COA1: variants seen among roughly 807,000 people sequenced by gnomAD.
COA1 encodes the protein cytochrome c oxidase assembly factor 1 homolog.
Under a neutral mutation model 16.0 loss-of-function variants are expected in COA1, and 13 were observed. That is an observed-to-expected ratio of 0.81 (90% CI 0.53 to 1.29). The LOEUF (loss-of-function observed/expected upper bound fraction) is 1.29. Among genes scored for constraint, COA1 ranks in the 50% most tolerant of loss-of-function variants. The probability of loss-of-function intolerance (pLI) is 0.00; values close to 1 mark genes in which losing one functional copy is unlikely to be tolerated. For synonymous variants in COA1, 65 were observed against 65.7 expected (o/e 0.99, Z 0.05); for missense variants, 179 against 177.0 (o/e 1.01, Z -0.06).
intron 1 of COA1, among the ~76,000 whole-genome samples, chr7:43,686,354 G>A (rs56288109): frequency 0.084 from 12,368 of 147,396 alleles, 613 homozygotes; most frequent in East Asian, 0.18. Context: ...TCGCCCAGGC[G>A]GGAGTGCTGT....
intron 1 of COA1, among the ~76,000 whole-genome samples, chr7:43,710,654 T>C (rs2095215015): frequency 6.6e-6 from 1 of 152,064 alleles, no homozygotes; most frequent in Non-Finnish European, 1.5e-5. Context: ...AACTATCTCA[T>C]TTTATTCTCC....
At chr7:43,678,099 A>G (rs2093616365) in intron 1 of COA1, among the ~76,000 whole-genome samples, 2 of 152,204 alleles carry the variant, frequency 1.3e-5, no homozygotes, top group Admixed American at 6.5e-5. Context: ...CCTATTACTA[A>G]TAACAGTGAG....
chr7:43,674,415 T>A (rs187476869), intron 1 of COA1, among the ~76,000 whole-genome samples: 1 of 152,238 alleles, frequency 6.6e-6, no homozygotes, highest in East Asian at 1.9e-4. Context: ...TTCCATATAA[T>A]ACAACGTTTG....
At position 43,639,338 on chromosome 7, in the gene COA1, T is replaced by C. The variant is rs951444701; in HGVS notation, c.*244A>G. On this transcript the variant is annotated 3_prime_UTR_variant, in exon 6 of 6. Coordinates refer to ENST00000223336, the MANE Select transcript of COA1 (RefSeq NM_018224.4). ...CAAAGCACTTTCAAATACATTACAT[T>C]ATCTTAAATTTATAATAGGAGTTTC... The C allele has an allele frequency of 3.0e-5, 10 of 331,304 alleles. No individual in the cohort carries two copies. Among genetic ancestry groups the C allele is most frequent in the Non-Finnish European group, 5.0e-5 (9 of 180,040 alleles). 20.5% of individuals were successfully genotyped at this position (331,304 alleles called of 1,614,324 possible). A position where few individuals can be genotyped will look rare whatever the true frequency, so the allele number is the denominator to read the frequency against.
intron 4 of COA1, among the ~76,000 whole-genome samples, chr7:43,643,393 G>A (rs1404631590): frequency 6.6e-6 from 1 of 152,230 alleles, no homozygotes; most frequent in Admixed American, 6.5e-5. Context: ...CAAGTTCTCA[G>A]GATTGCTGGG....
intron 1 of COA1, among the ~76,000 whole-genome samples, chr7:43,717,094 G>A (rs573318164): frequency 6.6e-6 from 1 of 152,372 alleles, no homozygotes; most frequent in South Asian, 2.1e-4. Flanking sequence ...TGCTAGGGCA[G>A]TGCAGAAGGA....
rs2095696357 is a variant in COA1 at position 43,729,418 on chromosome 7, G to A, written c.-39+11C>T. 1 of 152,296 alleles carries A rather than the reference G, an allele frequency of 6.6e-6. No individual in the cohort carries two copies. The highest frequency in any genetic ancestry group is 2.4e-5 in the African/African-American group (1 of 41,454). The allele number at this position is 152,296 out of a possible 1,614,324, so 9.4% of individuals were successfully genotyped here. A position where few individuals can be genotyped will look rare whatever the true frequency, so the allele number is the denominator to read the frequency against. On this transcript the variant is annotated intron_variant, in intron 1 of 5. Coordinates refer to ENST00000223336, the MANE Select transcript of COA1 (RefSeq NM_018224.4). The stretch of plus-strand genomic sequence containing the variant: ...GGGAAGACGGAGACTCTTATACCGC[G>A]GGAGACTAACCTGTGAGCAACAGAA...
chr7:43,672,462 C>A (rs2093318015), intron 1 of COA1, among the ~76,000 whole-genome samples: 1 of 152,138 alleles, frequency 6.6e-6, no homozygotes, highest in Non-Finnish European at 1.5e-5. Context: ...TAAAATTCAA[C>A]ATCCCTTCAT....
intron 6 of COA1, among the ~76,000 whole-genome samples, chr7:43,617,012 G>A (rs181825717): frequency 1.3e-5 from 2 of 152,330 alleles, no homozygotes; most frequent in East Asian, 3.9e-4. Flanking sequence ...ACCAAGTTGA[G>A]ACTAGGCAAA....
chr7:43,663,186 A>C (rs1033608388), intron 1 of COA1, among the ~76,000 whole-genome samples: 10 of 152,318 alleles, frequency 6.6e-5, no homozygotes, highest in African/African-American at 4.8e-5. Flanking sequence ...TGCTCTTGCC[A>C]TATGATGTAC....
At chr7:43,700,590 A>ATGTGTG (rs1563415584) in intron 1 of COA1, among the ~76,000 whole-genome samples, 2 of 44,512 alleles carry the variant, frequency 4.5e-5, no homozygotes, top group African/African-American at 2.5e-4. Flanking sequence ...GTGTATATAT[A>ATGTGTG]CGTGTGTGTG....
At chr7:43,658,639 G>A (rs375547519) in intron 1 of COA1, 1 of 152,226 alleles carries the variant, frequency 6.6e-6, no homozygotes, top group East Asian at 1.9e-4. Context: ...TCAAAACCTT[G>A]AAATATTCAA....
intron 1 of COA1, among the ~76,000 whole-genome samples, chr7:43,659,822 T>G (rs2092247775): frequency 6.6e-6 from 1 of 152,182 alleles, no homozygotes; most frequent in African/African-American, 2.4e-5. Flanking sequence ...AAAATTCATA[T>G]GTTGAAGCCC....
At position 43,686,388 on chromosome 7, in the gene COA1, G is replaced by T. The variant is rs10279250; in HGVS notation, c.-38-37736C>A. ...GTGGCGCGATCTCCGCTCACTGCAA[G>T]CTCCGCCTTCCGGGTTCACGCCATT... On this transcript the variant is annotated intron_variant, in intron 1 of 5. Transcript: ENST00000223336. Among the ~76,000 whole-genome samples, 253 of 148,244 alleles carry T rather than the reference G, an allele frequency of 1.7e-3. 2 individuals are homozygous for T. Among genetic ancestry groups the T allele is most frequent in the African/African-American group, 6.1e-3 (246 of 40,346 alleles).
intron 1 of COA1, among the ~76,000 whole-genome samples, chr7:43,684,719 T>C (rs1725168582): frequency 6.6e-6 from 1 of 152,090 alleles, no homozygotes; most frequent in Non-Finnish European, 1.5e-5. Flanking sequence ...CAGTGCATGC[T>C]CTTAACTACC....
intron 6 of COA1, among the ~76,000 whole-genome samples, chr7:43,633,568 T>C (rs4724235): frequency 0.09 from 11,720 of 129,630 alleles, 607 homozygotes; most frequent in Admixed American, 0.2. Context: ...CTCTCCATAA[T>C]AGAGTAATTT....
intron 1 of COA1, among the ~76,000 whole-genome samples, chr7:43,687,077 C>G (rs959259286): frequency 6.6e-6 from 1 of 152,108 alleles, no homozygotes; most frequent in Non-Finnish European, 1.5e-5. Flanking sequence ...TTGTTTCTGG[C>G]AGTATCCTCT....
chr7:43,611,481 CTGA>C (rs763248650), intron 6 of COA1, among the ~76,000 whole-genome samples: 1 of 152,142 alleles, frequency 6.6e-6, no homozygotes, highest in Non-Finnish European at 1.5e-5. Context: ...CTGAGGTGGC[CTGA>C]TGTTAATGCT....
chr7:43,728,132 G>A (rs1211223756), intron 1 of COA1, among the ~76,000 whole-genome samples: 2 of 151,952 alleles, frequency 1.3e-5, no homozygotes, highest in Admixed American at 6.6e-5. Flanking sequence ...CCGCCACCAC[G>A]CCCGGCTAAT....
Sources: allele counts gnomAD v4.1 joint callset (sites outside exome capture counted in the v4.1 genomes callset), GRCh38; gene constraint gnomAD v4.1.1; transcripts MANE v1.5; gene names NCBI Gene and HGNC (gene_info 2026-07-23, HGNC 2026-07-21).